Variants in KIAA1958 observed in about 807,000 individuals in gnomAD.
KIAA1958 encodes the protein KIAA1958, also known as uncharacterized protein KIAA1958.
Under a neutral mutation model 47.2 loss-of-function variants are expected in KIAA1958, and 14 were observed. The observed-to-expected ratio is 0.30, with a 90% CI of 0.20 to 0.46. KIAA1958 has a LOEUF of 0.46. KIAA1958 is among the 20% of genes least tolerant of loss of function. KIAA1958 has a pLI of 1.00. For missense variants in KIAA1958, 803 were observed against 909.2 expected (o/e 0.88, Z 1.50); for synonymous variants, 354 against 353.3 (o/e 1.00, Z -0.02).
intron 1 of KIAA1958, among the ~76,000 whole-genome samples, chr9:112,537,542 C>CTT (rs1834876969): frequency 6.6e-6 from 1 of 152,152 alleles, no homozygotes; most frequent in African/African-American, 2.4e-5. Flanking sequence ...CAGTAAGATG[C>CTT]TTAACATCAT....
chr9:112,487,605 C>T lies in KIAA1958; in HGVS notation c.-25+487C>T, dbSNP rs546355300. On this transcript the variant is annotated intron_variant, in intron 1 of 3. Coordinates refer to ENST00000337530, the MANE Select transcript of KIAA1958 (RefSeq NM_133465.4). The stretch of plus-strand genomic sequence containing the variant: ...GCTCTGCCCCACTAGTTTTCCTCCT[C>T]GGGTGGCTCGCCGAGGTGCGTTTGG... Among the ~76,000 whole-genome samples, 3 of 152,282 alleles carry T rather than the reference C, an allele frequency of 2.0e-5. No individual in the cohort carries two copies. The East Asian group carries it at 5.8e-4, about 29-fold the overall frequency.
chr9:112,564,188 G>T (rs1835386756), intron 1 of KIAA1958, among the ~76,000 whole-genome samples: 1 of 152,064 alleles, frequency 6.6e-6, no homozygotes, highest in Non-Finnish European at 1.5e-5. Context: ...CTATATTTTT[G>T]AAAATATTTG....
intron 1 of KIAA1958, among the ~76,000 whole-genome samples, chr9:112,516,840 AAC>A (rs1277099663): frequency 6.6e-6 from 1 of 152,372 alleles, no homozygotes; most frequent in East Asian, 1.9e-4. Context: ...TCTGAACCAG[AAC>A]AGTTTCACAG....
At chr9:112,493,964 A>T (rs565051481) in intron 1 of KIAA1958, among the ~76,000 whole-genome samples, 1 of 152,356 alleles carries the variant, frequency 6.6e-6, no homozygotes, top group East Asian at 1.9e-4. Flanking sequence ...TTGCAAAAGC[A>T]GCTATAGATA....
At chr9:112,534,805 A>G (rs1392624354) in intron 1 of KIAA1958, among the ~76,000 whole-genome samples, 13 of 152,152 alleles carry the variant, frequency 8.5e-5, no homozygotes, top group Non-Finnish European at 1.9e-4. Flanking sequence ...CGGCCTCCCA[A>G]AGTGCTGGGA....
intron 1 of KIAA1958, among the ~76,000 whole-genome samples, chr9:112,513,407 G>C (rs1023745194): frequency 1.1e-4 from 17 of 148,630 alleles, no homozygotes; most frequent in African/African-American, 4.2e-4. Flanking sequence ...AGGGGAGAGC[G>C]AGCCAAGATG....
At chr9:112,605,503 G>A (rs1836215974) in intron 2 of KIAA1958, among the ~76,000 whole-genome samples, 1 of 152,158 alleles carries the variant, frequency 6.6e-6, no homozygotes, top group African/African-American at 2.4e-5. Flanking sequence ...ACAAAGCAGA[G>A]TTTATTGAAG....
At chr9:112,549,562 A>G (rs1309417269) in intron 1 of KIAA1958, among the ~76,000 whole-genome samples, 1 of 152,210 alleles carries the variant, frequency 6.6e-6, no homozygotes, top group African/African-American at 2.4e-5. Context: ...CTGGGCTAGG[A>G]GCTGAAAGTA....
At chr9:112,506,281 C>G (rs1313340510) in intron 1 of KIAA1958, among the ~76,000 whole-genome samples, 1 of 152,026 alleles carries the variant, frequency 6.6e-6, no homozygotes, top group African/African-American at 2.4e-5. Flanking sequence ...ACGGTGAAAC[C>G]CCGTCTCTAC....
At chr9:112,508,319 C>T (rs1241434654) in intron 1 of KIAA1958, among the ~76,000 whole-genome samples, 10 of 151,796 alleles carry the variant, frequency 6.6e-5, no homozygotes, top group South Asian at 2.1e-4. Context: ...TCTTCTGCAC[C>T]GTAGGTTATG....
At chr9:112,583,214 G>T (rs1835763535) in intron 2 of KIAA1958, among the ~76,000 whole-genome samples, 1 of 152,204 alleles carries the variant, frequency 6.6e-6, no homozygotes, top group Admixed American at 6.5e-5. Context: ...GCAGTCCTGT[G>T]ACCTTAGGCT....
chr9:112,507,408 G>T (rs887408181), intron 1 of KIAA1958, among the ~76,000 whole-genome samples: 3 of 152,168 alleles, frequency 2.0e-5, no homozygotes, highest in Non-Finnish European at 4.4e-5. Flanking sequence ...GAGTGCAGTG[G>T]TGTGATCACT....
Position 112,648,247 on chromosome 9 carries a change from A to C in KIAA1958, c.1344+2425A>C, listed in dbSNP as rs114805849. 3.3e-3 allele frequency among the ~76,000 whole-genome samples: 497 copies of C among 152,296 alleles called. 5 individuals are homozygous for C. Among genetic ancestry groups the C allele is most frequent in the African/African-American group, 0.011 (467 of 41,568 alleles). ...TCCAGCTTACTGCCTTGAGAGAATT[A>C]ATAGTAGGTTTGTGGTACAGGGAGG... On this transcript the variant is annotated intron_variant, in intron 3 of 3. Transcript: ENST00000337530.
At chr9:112,630,509 T>C (rs1443646658) in intron 2 of KIAA1958, among the ~76,000 whole-genome samples, 8 of 152,202 alleles carry the variant, frequency 5.3e-5, no homozygotes, top group Non-Finnish European at 1.0e-4. Flanking sequence ...TTTTTTAAAT[T>C]ATACCAAGCT....
chr9:112,600,381 C>T (rs778831262), intron 2 of KIAA1958, among the ~76,000 whole-genome samples: 3 of 152,126 alleles, frequency 2.0e-5, no homozygotes, highest in African/African-American at 7.2e-5. Flanking sequence ...TGCAATGTTA[C>T]GTCTCTTTTT....
intron 1 of KIAA1958, among the ~76,000 whole-genome samples, chr9:112,540,234 G>A (rs889101885): frequency 6.6e-6 from 1 of 152,120 alleles, no homozygotes; most frequent in Non-Finnish European, 1.5e-5. Context: ...AGAGGGATTC[G>A]AGGGGAAGGA....
chr9:112,643,278 C>T (rs1003339712), intron 2 of KIAA1958, among the ~76,000 whole-genome samples: 8 of 152,196 alleles, frequency 5.3e-5, no homozygotes, highest in African/African-American at 1.9e-4. Context: ...ATAATTTAAA[C>T]AGCCCAGTGC....
At chr9:112,556,983 G>GTTTTGT (rs1322381692) in intron 1 of KIAA1958, among the ~76,000 whole-genome samples, 1 of 152,082 alleles carries the variant, frequency 6.6e-6, no homozygotes, top group Non-Finnish European at 1.5e-5. Flanking sequence ...TTCATTCAGT[G>GTTTTGT]TTTTGTTTTT....
intron 2 of KIAA1958, among the ~76,000 whole-genome samples, chr9:112,608,285 A>G (rs553912570): frequency 6.2e-4 from 95 of 152,356 alleles, no homozygotes; most frequent in Non-Finnish European, 1.2e-3. Context: ...AATAATTTAA[A>G]CTAATAATTA....
Sources: allele counts gnomAD v4.1 joint callset (sites outside exome capture counted in the v4.1 genomes callset), GRCh38; gene constraint gnomAD v4.1.1; transcripts MANE v1.5; gene names NCBI Gene and HGNC (gene_info 2026-07-23, HGNC 2026-07-21).